TBC1D5: variants seen among roughly 807,000 people sequenced by gnomAD.
The protein encoded by TBC1D5 is TBC1 domain family, member 5.
TBC1D5 carries 75 observed loss-of-function variants against 100.3 expected under a neutral mutation model. That is an observed-to-expected ratio of 0.75 (90% CI 0.62 to 0.91). TBC1D5 has a LOEUF of 0.91. TBC1D5 is among the 40% of genes least tolerant of loss of function. The pLI is 0.00. For missense variants in TBC1D5, 910 were observed against 942.4 expected, an observed-to-expected ratio of 0.97 and a Z score of 0.45; for synonymous variants, 323 against 325.6, an observed-to-expected ratio of 0.99 and a Z score of 0.09.
intron 18 of TBC1D5, among the ~76,000 whole-genome samples, chr3:17,205,695 A>G (rs1167835943): frequency 6.6e-6 from 1 of 152,092 alleles, no homozygotes; most frequent in Non-Finnish European, 1.5e-5. Flanking sequence ...TGGGCATGGA[A>G]TTTAATTCTG....
At chr3:17,165,217 T>A (rs2066472534) in intron 21 of TBC1D5, among the ~76,000 whole-genome samples, 1 of 152,236 alleles carries the variant, frequency 6.6e-6, no homozygotes, top group Non-Finnish European at 1.5e-5. Flanking sequence ...TAGGTTCTTA[T>A]AAATACAGAA....
intron 17 of TBC1D5, among the ~76,000 whole-genome samples, chr3:17,215,208 T>C (rs1287768768): frequency 6.6e-6 from 1 of 152,004 alleles, no homozygotes; most frequent in African/African-American, 2.4e-5. Context: ...TCAGAGATGG[T>C]CAAGTGGGGG....
At chr3:17,707,292 G>GA (rs1363082859) in intron 1 of TBC1D5, among the ~76,000 whole-genome samples, 7 of 151,622 alleles carry the variant, frequency 4.6e-5, no homozygotes, top group South Asian at 2.1e-4. Context: ...TGTTCTGGGG[G>GA]AAAAAAAGCT....
At chr3:17,525,711 C>G (rs1429602618) in intron 2 of TBC1D5, among the ~76,000 whole-genome samples, 1 of 151,940 alleles carries the variant, frequency 6.6e-6, no homozygotes, top group Non-Finnish European at 1.5e-5. Context: ...CACCTGTGTT[C>G]CCAATCCTCC....
At chr3:17,566,163 A>T (rs77160913) in intron 2 of TBC1D5, among the ~76,000 whole-genome samples, 3,226 of 152,172 alleles carry the variant, frequency 0.021, 56 homozygotes, top group South Asian at 0.045. Context: ...TGCTTAATAT[A>T]TTCAGTTATG....
At chr3:17,209,937 C>T (rs1055829882) in intron 18 of TBC1D5, among the ~76,000 whole-genome samples, 1 of 152,150 alleles carries the variant, frequency 6.6e-6, no homozygotes, top group Non-Finnish European at 1.5e-5. Flanking sequence ...CTATAGTCTT[C>T]GGATCTACAA....
At chr3:17,269,941 G>C (rs2079222118) in intron 15 of TBC1D5, among the ~76,000 whole-genome samples, 2 of 151,958 alleles carry the variant, frequency 1.3e-5, no homozygotes, top group Non-Finnish European at 2.9e-5. Context: ...TTGTGAATAG[G>C]GCTGCAATTA....
chr3:17,274,667 G>A (rs956969204), intron 15 of TBC1D5, among the ~76,000 whole-genome samples: 1 of 152,114 alleles, frequency 6.6e-6, no homozygotes, highest in African/African-American at 2.4e-5. Flanking sequence ...GTTCCTCAAA[G>A]GCAGCTCAAA....
intron 15 of TBC1D5, among the ~76,000 whole-genome samples, chr3:17,282,856 C>A (rs1241834863): frequency 1.3e-5 from 2 of 152,128 alleles, no homozygotes; most frequent in Non-Finnish European, 2.9e-5. Flanking sequence ...TAAATTAATG[C>A]CAAATAAAAA....
chr3:17,473,593 G>A (rs2150169058), intron 3 of TBC1D5, among the ~76,000 whole-genome samples: 1 of 152,316 alleles, frequency 6.6e-6, no homozygotes, highest in South Asian at 2.1e-4. Context: ...AAATTTGAAG[G>A]TGGCTCTGTG....
At chr3:17,365,854 A>C (rs1457996225) in intron 13 of TBC1D5, among the ~76,000 whole-genome samples, 2 of 152,204 alleles carry the variant, frequency 1.3e-5, no homozygotes, top group Admixed American at 6.5e-5. Flanking sequence ...TAAACTGTGA[A>C]TATTAGCTCA....
intron 1 of TBC1D5, among the ~76,000 whole-genome samples, chr3:17,650,717 T>C (rs1291603828): frequency 6.6e-6 from 1 of 152,232 alleles, no homozygotes; most frequent in African/African-American, 2.4e-5. Context: ...GCAGGAATTT[T>C]ATTCTTTTTC....
At chr3:17,324,347 A>G (rs956888426) in intron 13 of TBC1D5, among the ~76,000 whole-genome samples, 3 of 152,250 alleles carry the variant, frequency 2.0e-5, no homozygotes, top group Non-Finnish European at 2.9e-5. Context: ...GGTACCATTA[A>G]GAAAATGAAA....
chr3:17,698,343 G>T (rs896531674), intron 1 of TBC1D5, among the ~76,000 whole-genome samples: 11 of 151,892 alleles, frequency 7.2e-5, no homozygotes, highest in African/African-American at 1.9e-4. Context: ...TAGCCATATG[G>T]AGAAAGCTGA....
chr3:17,589,139 A>G (rs1363973925), intron 2 of TBC1D5, among the ~76,000 whole-genome samples: 3 of 152,218 alleles, frequency 2.0e-5, no homozygotes, highest in Admixed American at 2.0e-4. Context: ...AAGTTCTGAG[A>G]AGATTTTAAG....
At chr3:17,727,161 T>C (rs2076195219) in intron 1 of TBC1D5, among the ~76,000 whole-genome samples, 1 of 152,132 alleles carries the variant, frequency 6.6e-6, no homozygotes. Context: ...GGCAGGTGGA[T>C]AACGAGGTCA....
chr3:17,726,491 T>C (rs1199440451), intron 1 of TBC1D5, among the ~76,000 whole-genome samples: 1 of 152,258 alleles, frequency 6.6e-6, no homozygotes, highest in Non-Finnish European at 1.5e-5. Context: ...CATATGCTTA[T>C]GGCTGCATAT....
At chr3:17,339,851 A>T (rs2088579254) in intron 13 of TBC1D5, among the ~76,000 whole-genome samples, 1 of 152,232 alleles carries the variant, frequency 6.6e-6, no homozygotes, top group South Asian at 2.1e-4. Context: ...AATTAATGCT[A>T]GGGCAAACAC....
At chr3:17,674,943 G>C (rs1298972977) in intron 1 of TBC1D5, among the ~76,000 whole-genome samples, 1 of 151,966 alleles carries the variant, frequency 6.6e-6, no homozygotes, top group Non-Finnish European at 1.5e-5. Context: ...GAAAATACGT[G>C]AACATAGAAT....
Sources: allele counts gnomAD v4.1 joint callset (sites outside exome capture counted in the v4.1 genomes callset), GRCh38; gene constraint gnomAD v4.1.1; transcripts MANE v1.5; gene names NCBI Gene and HGNC (gene_info 2026-07-23, HGNC 2026-07-21).